MYO5B: variants seen among roughly 807,000 people sequenced by gnomAD.
The protein encoded by MYO5B is unconventional myosin-Vb.
In MYO5B, 143 loss-of-function variants were observed where a neutral mutation model predicts 229.3. That is an observed-to-expected ratio of 0.62 (90% CI 0.54 to 0.72). MYO5B has a LOEUF of 0.72. Among genes scored for constraint, MYO5B ranks in the 30% least tolerant of loss-of-function variants. MYO5B has a pLI of 0.00. For missense variants in MYO5B, 2,321 were observed against 2,331.0 expected, an observed-to-expected ratio of 1.00 and a Z score of 0.09; for synonymous variants, 918 against 885.2, an observed-to-expected ratio of 1.04 and a Z score of -0.66.
At chr18:50,047,615 A>G (rs1156437944) in intron 2 of MYO5B, among the ~76,000 whole-genome samples, 1 of 152,196 alleles carries the variant, frequency 6.6e-6, no homozygotes, top group Non-Finnish European at 1.5e-5. Context: ...ATTATAAATC[A>G]TGCTGCTATA....
At chr18:49,933,966 C>G (rs896503347) in intron 16 of MYO5B, among the ~76,000 whole-genome samples, 1 of 152,178 alleles carries the variant, frequency 6.6e-6, no homozygotes, top group African/African-American at 2.4e-5. Flanking sequence ...GCCTCAAACT[C>G]CTGGGCTCAA....
At chr18:49,993,835 C>A (rs1413290058) in intron 5 of MYO5B, among the ~76,000 whole-genome samples, 1 of 152,142 alleles carries the variant, frequency 6.6e-6, no homozygotes, top group Admixed American at 6.5e-5. Flanking sequence ...ACCTATTATA[C>A]TCCCTGTATA....
chr18:49,950,420 A>T (rs12959341), intron 14 of MYO5B, among the ~76,000 whole-genome samples: 1 of 152,060 alleles, frequency 6.6e-6, no homozygotes, highest in African/African-American at 2.4e-5. Flanking sequence ...AACCATCATC[A>T]ATCTGCTTCT....
intron 17 of MYO5B, among the ~76,000 whole-genome samples, chr18:49,913,083 A>C (rs1330975802): frequency 6.6e-6 from 1 of 152,232 alleles, no homozygotes; most frequent in African/African-American, 2.4e-5. Context: ...TTATTAGAGT[A>C]ATACAGGCCC....
chr18:50,188,984 A>C (rs2033191982), intron 1 of MYO5B, among the ~76,000 whole-genome samples: 1 of 152,144 alleles, frequency 6.6e-6, no homozygotes, highest in Admixed American at 6.5e-5. Flanking sequence ...GGCCCATCTG[A>C]AAACGGGGAG....
chr18:49,879,738 G>T (rs902316374), intron 23 of MYO5B, among the ~76,000 whole-genome samples: 27 of 152,170 alleles, frequency 1.8e-4, no homozygotes, highest in African/African-American at 6.5e-4. Context: ...AGAAACTGGG[G>T]TCTGTGGACT....
chr18:50,171,003 A>G (rs2032913633), intron 1 of MYO5B, among the ~76,000 whole-genome samples: 1 of 127,194 alleles, frequency 7.9e-6, no homozygotes, highest in South Asian at 2.7e-4. Flanking sequence ...TGCCTCCCTG[A>G]GGCTCTCTCT....
At chr18:50,150,089 C>T (rs1334764632) in intron 1 of MYO5B, among the ~76,000 whole-genome samples, 37 of 139,618 alleles carry the variant, frequency 2.7e-4, no homozygotes, top group Admixed American at 5.7e-4. Flanking sequence ...AAAATGCTCA[C>T]CATCACTGGC....
At chr18:50,143,922 T>C (rs777301223) in intron 1 of MYO5B, among the ~76,000 whole-genome samples, 4 of 152,172 alleles carry the variant, frequency 2.6e-5, no homozygotes, top group Admixed American at 1.3e-4. Flanking sequence ...ACCATATGCA[T>C]GGAATATCCA....
intron 22 of MYO5B, among the ~76,000 whole-genome samples, chr18:49,892,901 C>T (rs754509254): frequency 3.9e-5 from 6 of 152,192 alleles, no homozygotes; most frequent in African/African-American, 9.6e-5. Flanking sequence ...CTGCTCCTAG[C>T]GTTCCCCTCC....
intron 29 of MYO5B, among the ~76,000 whole-genome samples, chr18:49,862,549 G>A (rs1404461165): frequency 2.6e-5 from 4 of 152,212 alleles, no homozygotes; most frequent in African/African-American, 9.6e-5. Flanking sequence ...GTGAGGAGTG[G>A]ACTCTGCAGT....
At position 49,922,502 on chromosome 18, in the gene MYO5B, G is replaced by C. The variant is rs533580374; in HGVS notation, c.2090+7010C>G. ...GATTAGGCTCTGGATTAAATGGTGAGGATGATTCGACTGCAGCTCAATACA... is the reference window on the plus strand; with the variant it reads ...GATTAGGCTCTGGATTAAATGGTGACGATGATTCGACTGCAGCTCAATACA... On this transcript the variant is annotated intron_variant, in intron 17 of 39. Coordinates refer to ENST00000285039, the MANE Select transcript of MYO5B (RefSeq NM_001080467.3). 5.9e-5 allele frequency among the ~76,000 whole-genome samples: 9 copies of C among 152,274 alleles called. No individual in the cohort carries two copies. In the South Asian group the frequency reaches 1.7e-3, roughly 28 times the overall value.
rs182333851 is a variant in MYO5B at position 49,918,048 on chromosome 18, C to T, written c.2091-5875G>A. 1.1e-4 allele frequency among the ~76,000 whole-genome samples: 17 copies of T among 152,332 alleles called. No homozygotes were observed. The East Asian group carries it at 3.3e-3, about 29-fold the overall frequency. ...TGGAAAGATGTTTCCTTGTAATGAG[C>T]TCCTCAGGCTCAAGGCAGGGAGTGG... is the stretch of plus-strand genomic sequence containing the variant. On this transcript the variant is annotated intron_variant, in intron 17 of 39. Transcript: ENST00000285039.
chr18:49,908,728 T>G (rs2024926968), intron 18 of MYO5B, among the ~76,000 whole-genome samples: 1 of 152,224 alleles, frequency 6.6e-6, no homozygotes, highest in Non-Finnish European at 1.5e-5. Flanking sequence ...TGGCCATCGT[T>G]ACATTAGACT....
intron 1 of MYO5B, among the ~76,000 whole-genome samples, chr18:50,160,170 G>A (rs1454459395): frequency 6.6e-6 from 1 of 152,368 alleles, no homozygotes; most frequent in South Asian, 2.1e-4. Context: ...CAGAAACAAC[G>A]GGGCTGCCCG....
At chr18:50,022,640 AGTTT>A (rs1219510041) in intron 4 of MYO5B, among the ~76,000 whole-genome samples, 2 of 152,174 alleles carry the variant, frequency 1.3e-5, no homozygotes, top group Non-Finnish European at 2.9e-5. Context: ...AACATTCAAA[AGTTT>A]GTTAGATTCC....
intron 4 of MYO5B, among the ~76,000 whole-genome samples, chr18:50,028,736 G>C (rs2026358088): frequency 6.6e-6 from 1 of 152,214 alleles, no homozygotes; most frequent in African/African-American, 2.4e-5. Context: ...CCACTTGCCA[G>C]AACACAGTAT....
intron 17 of MYO5B, among the ~76,000 whole-genome samples, chr18:49,928,763 G>C (rs78653961): frequency 6.6e-5 from 10 of 152,116 alleles, no homozygotes; most frequent in Non-Finnish European, 1.5e-5. Flanking sequence ...AATGTGGTAC[G>C]TATATATGAA....
At chr18:49,979,924 C>T (rs965182418) in intron 9 of MYO5B, among the ~76,000 whole-genome samples, 48 of 152,218 alleles carry the variant, frequency 3.2e-4, no homozygotes, top group African/African-American at 9.4e-4. Context: ...GGAAAATAAC[C>T]TTCATTATGA....
Sources: gnomAD v4.1 joint callset for allele counts (sites outside exome capture counted in the v4.1 genomes callset) on GRCh38, gnomAD v4.1.1 for gene constraint, MANE v1.5 for transcripts, NCBI Gene and HGNC (gene_info 2026-07-23, HGNC 2026-07-21) for gene names.